MOCS1: variants seen among roughly 807,000 people sequenced by gnomAD.
MOCS1 encodes the protein molybdenum cofactor synthesis 1.
Under a neutral mutation model 57.6 loss-of-function variants are expected in MOCS1, and 39 were observed. The observed-to-expected ratio is 0.68, with a 90% CI of 0.52 to 0.88. MOCS1 has a LOEUF of 0.88. MOCS1 is among the 40% of genes least tolerant of loss of function. The pLI is 0.00. For synonymous variants in MOCS1, 334 were observed against 335.7 expected (o/e 1.00, Z 0.05); for missense variants, 795 against 831.1 (o/e 0.96, Z 0.53).
intron 8 of MOCS1, 64 bp from the exon 9 acceptor site, chr6:39,910,019 G>A: frequency 6.2e-7 from 1 of 1,604,090 alleles, no homozygotes; most frequent in Admixed American, 1.7e-5. Context: ...GGCCTCTGAG[G>A]AGCTAACTCC....
chr6:39,927,459 C>A lies in MOCS1; in HGVS notation c.124-4G>T, dbSNP rs781034678. ...ACTGCCTCCGCCTGGACACCTCCTG[C>A]GAGGACAGACCAGGGAGGAAGCATG... is the stretch of plus-strand genomic sequence containing the variant. On this transcript the variant is annotated splice_polypyrimidine_tract_variant and splice_region_variant and intron_variant, in intron 1 of 10. Transcript: ENST00000340692. 1.9e-6 allele frequency: 3 copies of A among 1,610,262 alleles called. No homozygotes were observed. Among genetic ancestry groups the A allele is most frequent in the Admixed American group, 1.7e-5 (1 of 59,556 alleles).
At chr6:39,932,913 C>T (rs1768714301) in intron 1 of MOCS1, among the ~76,000 whole-genome samples, 1 of 152,158 alleles carries the variant, frequency 6.6e-6, no homozygotes, top group Non-Finnish European at 1.5e-5. Flanking sequence ...GGTAAGGGGA[C>T]TTGGTGAATC....
Position 39,916,177 on chromosome 6 carries a change from G to A in MOCS1, c.474C>T (p.Ile158=), listed in dbSNP as rs560167174. The change falls in exon 4 of 11, where the codon ATC becomes ATT. Residue 158 remains isoleucine (I), a synonymous_variant. Transcript: ENST00000340692. ...LRTIGVTTNG[I]NLARLLPQLQ... Reference sequence around the variant, plus strand: ...GCTGGGGCAGTAGCCGGGCCAGGTTGATGCCATTGGTGGTAACACCTATGG... The same window carrying A: ...GCTGGGGCAGTAGCCGGGCCAGGTTAATGCCATTGGTGGTAACACCTATGG... The A allele has an allele frequency of 8.1e-6, 13 of 1,614,048 alleles. No individual in the cohort carries two copies. Among genetic ancestry groups the A allele is most frequent in the Admixed American group, 1.7e-5 (1 of 60,022 alleles).
At chr6:39,922,389 TTC>T (rs1019708146) in intron 3 of MOCS1, among the ~76,000 whole-genome samples, 6 of 152,216 alleles carry the variant, frequency 3.9e-5, no homozygotes, top group African/African-American at 1.4e-4. Context: ...TTTGTAAATT[TTC>T]TAAAAACATT....
chr6:39,907,446 G>A (rs1005285271), intron 10 of MOCS1, among the ~76,000 whole-genome samples: 1 of 152,076 alleles, frequency 6.6e-6, no homozygotes, highest in Admixed American at 6.5e-5. Context: ...CCAAGTTGAG[G>A]CCTGGATCAC....
At chr6:39,912,400 AGGGCAGTGG>A (rs1386694799) in intron 7 of MOCS1, 26 bp from the exon 8 acceptor site, 1 of 1,488,602 alleles carries the variant, frequency 6.7e-7, no homozygotes, top group Non-Finnish European at 9.4e-7. Context: ...TGGGAGCAAA[AGGGCAGTGG>A]AGGGGATGGG....
At chr6:39,917,541 A>G (rs1767731899) in intron 3 of MOCS1, among the ~76,000 whole-genome samples, 1 of 152,182 alleles carries the variant, frequency 6.6e-6, no homozygotes, top group Non-Finnish European at 1.5e-5. Flanking sequence ...GGAGCAACCC[A>G]AACAGAAACA....
In MOCS1 at chr6:39,905,233, A is replaced by T; in HGVS notation, c.*1124T>A. 1 of 454,278 alleles carries T rather than the reference A, an allele frequency of 2.2e-6. No homozygotes were observed. Among genetic ancestry groups the T allele is most frequent in the Non-Finnish European group, 4.4e-6 (1 of 226,944 alleles). The allele number at this position is 454,278 out of a possible 1,614,324, so 28.1% of individuals were successfully genotyped here. A position where few individuals can be genotyped will look rare whatever the true frequency, so the allele number is the denominator to read the frequency against. ...AGCCTCTAATTAATTGCCCTCTCTG[A>T]TCTCTCTAATAGCTGGTAATGCAAG... On this transcript the variant is annotated 3_prime_UTR_variant, in exon 11 of 11. Coordinates refer to ENST00000340692, the MANE Select transcript of MOCS1 (RefSeq NM_001358530.2).
At position 39,913,300 on chromosome 6, in the gene MOCS1, C is replaced by T. The variant is rs775705249; in HGVS notation, c.757+17G>A. Reference sequence around the variant, plus strand: ...CAACCCCTTCTTCCCTCCCTCAACCCATCCCTGGTCACTGACCATCAAAGG... The same window carrying T: ...CAACCCCTTCTTCCCTCCCTCAACCTATCCCTGGTCACTGACCATCAAAGG... On this transcript the variant is annotated intron_variant, in intron 6 of 10. Coordinates refer to ENST00000340692, the MANE Select transcript of MOCS1 (RefSeq NM_001358530.2). 3 of 1,608,178 alleles carry T rather than the reference C, an allele frequency of 1.9e-6. No homozygotes were observed. The highest frequency in any genetic ancestry group is 2.6e-6 in the Non-Finnish European group (3 of 1,174,604).
chr6:39,913,553 C>G, intron 5 of MOCS1, 125 bp from the exon 6 acceptor site: 1 of 984,982 alleles, frequency 1.0e-6, no homozygotes, highest in East Asian at 2.6e-5. Context: ...TTCTCCCACT[C>G]AGTTCTCTAA....
At chr6:39,925,993 A>G in intron 2 of MOCS1, 148 bp from the exon 3 acceptor site, 3 of 813,916 alleles carry the variant, frequency 3.7e-6, no homozygotes, top group Non-Finnish European at 5.7e-6. Context: ...CTGAGGTGGA[A>G]AAACCCCAGG....
intron 1 of MOCS1, 55 bp downstream of exon 1, chr6:39,934,240 G>C (rs527890618): frequency 1.3e-6 from 2 of 1,484,284 alleles, no homozygotes; most frequent in East Asian, 4.9e-5. Context: ...AAAGGGCAGT[G>C]TGCCGGGGCC....
At chr6:39,927,568 C>T in intron 1 of MOCS1, 113 bp from the exon 2 acceptor site, 1 of 1,609,962 alleles carries the variant, frequency 6.2e-7, no homozygotes, top group Middle Eastern at 1.7e-4. Flanking sequence ...GAGCTTCCAA[C>T]TCTTCCACAT....
intron 6 of MOCS1, 52 bp downstream of exon 6, chr6:39,913,265 C>G: frequency 6.6e-7 from 1 of 1,507,412 alleles, no homozygotes; most frequent in Non-Finnish European, 9.2e-7. Flanking sequence ...CACTATGCGA[C>G]CTGCAGGCCC....
intron 5 of MOCS1, 75 bp downstream of exon 5, chr6:39,913,699 G>T: frequency 6.6e-7 from 1 of 1,518,810 alleles, no homozygotes; most frequent in Non-Finnish European, 9.1e-7. Context: ...TCTCAAGTGG[G>T]CCAAGGGGCG....
At chr6:39,930,337 T>C (rs1309952066) in intron 1 of MOCS1, among the ~76,000 whole-genome samples, 1 of 152,116 alleles carries the variant, frequency 6.6e-6, no homozygotes, top group African/African-American at 2.4e-5. Context: ...CCAGAAGTAG[T>C]AGGAAGCACT....
intron 3 of MOCS1, among the ~76,000 whole-genome samples, chr6:39,924,967 C>T (rs893606992): frequency 2.0e-5 from 3 of 152,116 alleles, no homozygotes; most frequent in Non-Finnish European, 4.4e-5. Flanking sequence ...GTAAGCCCAG[C>T]TACTCTGGAG....
chr6:39,915,724 G>A (rs1767619266), intron 4 of MOCS1, among the ~76,000 whole-genome samples: 2 of 152,102 alleles, frequency 1.3e-5, no homozygotes, highest in South Asian at 2.1e-4. Context: ...GGGCTGTCCC[G>A]TGTTTCTTCA....
At chr6:39,933,909 GA>G (rs765184903) in intron 1 of MOCS1, among the ~76,000 whole-genome samples, 28 of 152,074 alleles carry the variant, frequency 1.8e-4, no homozygotes, top group Non-Finnish European at 3.2e-4. Flanking sequence ...AGGGACACCT[GA>G]TCTCTCAGCT....
Sources: gnomAD v4.1 joint callset for allele counts (sites outside exome capture counted in the v4.1 genomes callset) on GRCh38, gnomAD v4.1.1 for gene constraint, MANE v1.5 for transcripts, NCBI Gene and HGNC (gene_info 2026-07-23, HGNC 2026-07-21) for gene names.